TECPR2: variants seen among roughly 807,000 people sequenced by gnomAD.
The protein encoded by TECPR2 is tectonin beta-propeller repeat-containing protein 2.
TECPR2 carries 65 observed loss-of-function variants against 138.1 expected under a neutral mutation model. The ratio of observed to expected loss-of-function variants is 0.47; its 90% confidence interval spans 0.39 to 0.58. The LOEUF (loss-of-function observed/expected upper bound fraction) is 0.58, where lower values mean the gene tolerates loss of function less well. TECPR2 is among the 20% of genes least tolerant of loss of function. TECPR2 has a pLI of 0.00. For missense variants in TECPR2, 1,553 were observed against 1,824.5 expected (o/e 0.85, Z 2.71); for synonymous variants, 746 against 749.8 (o/e 0.99, Z 0.08).
At chr14:102,454,975 C>T (rs1358248894) in intron 16 of TECPR2, among the ~76,000 whole-genome samples, 2 of 152,228 alleles carry the variant, frequency 1.3e-5, no homozygotes, top group African/African-American at 2.4e-5. Context: ...CCTCCTGGCT[C>T]GATCCAGTCC....
chr14:102,489,173 T>C (rs895887661), intron 17 of TECPR2, among the ~76,000 whole-genome samples: 1 of 152,072 alleles, frequency 6.6e-6, no homozygotes, highest in African/African-American at 2.4e-5. Context: ...TGAGCCACTG[T>C]GCCCAACCTA....
chr14:102,429,318 C>T (rs1889407080), intron 7 of TECPR2, among the ~76,000 whole-genome samples: 1 of 152,188 alleles, frequency 6.6e-6, no homozygotes, highest in African/African-American at 2.4e-5. Flanking sequence ...GATCCCTGCT[C>T]TCCGTCTGAG....
At chr14:102,432,488 G>A (rs1040471493) in intron 8 of TECPR2, among the ~76,000 whole-genome samples, 4 of 151,926 alleles carry the variant, frequency 2.6e-5, no homozygotes, top group African/African-American at 7.2e-5. Flanking sequence ...GCACGATCTC[G>A]GCTCACTGCA....
At chr14:102,367,994 CTTTTTTTT>C (rs56325877) in intron 1 of TECPR2, among the ~76,000 whole-genome samples, 12 of 65,836 alleles carry the variant, frequency 1.8e-4, no homozygotes, top group African/African-American at 4.2e-4. Context: ...GCTTATTGGC[CTTTTTTTT>C]TTTTTTTTTT....
chr14:102,438,346 C>T, intron 10 of TECPR2, 141 bp downstream of exon 10: 1 of 1,108,414 alleles, frequency 9.0e-7, no homozygotes, highest in Non-Finnish European at 1.2e-6. Flanking sequence ...CCAGGTTTGC[C>T]TCTTCAGGAA....
intron 6 of TECPR2, among the ~76,000 whole-genome samples, chr14:102,427,346 T>C (rs145383170): frequency 1.3e-5 from 2 of 152,218 alleles, no homozygotes; most frequent in Admixed American, 1.3e-4. Context: ...TTAACTTCAT[T>C]TTATAGGTAG....
intron 5 of TECPR2, among the ~76,000 whole-genome samples, chr14:102,422,264 A>G (rs1889203901): frequency 6.6e-6 from 1 of 152,218 alleles, no homozygotes; most frequent in East Asian, 1.9e-4. Context: ...GAATAAATGA[A>G]TTGTGGAATA....
At chr14:102,482,838 C>CTT (rs758301929) in intron 17 of TECPR2, among the ~76,000 whole-genome samples, 4,044 of 96,492 alleles carry the variant, frequency 0.042, 186 homozygotes, top group Non-Finnish European at 0.055. Context: ...AGAAGCCTTT[C>CTT]TTTTTTTTTT....
chr14:102,372,517 C>T (rs1239686238), intron 1 of TECPR2, among the ~76,000 whole-genome samples: 2 of 152,190 alleles, frequency 1.3e-5, no homozygotes, highest in Non-Finnish European at 1.5e-5. Flanking sequence ...CGCCCTGACT[C>T]AGTCTCCTGA....
At chr14:102,496,772 A>C in intron 17 of TECPR2, 1 of 693,682 alleles carries the variant, frequency 1.4e-6, no homozygotes, top group Non-Finnish European at 2.4e-6. Flanking sequence ...GCTGTCCCTC[A>C]GTCTGGCCCA....
At chr14:102,478,613 C>T (rs1442978349) in intron 17 of TECPR2, among the ~76,000 whole-genome samples, 5 of 151,074 alleles carry the variant, frequency 3.3e-5, no homozygotes, top group South Asian at 2.1e-4. Flanking sequence ...CATGTCAGTG[C>T]GCTCCAGCCT....
At chr14:102,492,378 C>T (rs952968734) in intron 17 of TECPR2, among the ~76,000 whole-genome samples, 2 of 152,208 alleles carry the variant, frequency 1.3e-5, no homozygotes, top group African/African-American at 2.4e-5. Context: ...CAGCCAGGGC[C>T]GGGGCTCTCC....
intron 17 of TECPR2, among the ~76,000 whole-genome samples, chr14:102,482,696 G>A (rs895903278): frequency 1.3e-5 from 2 of 152,148 alleles, no homozygotes; most frequent in Non-Finnish European, 2.9e-5. Flanking sequence ...TTGCATGTCT[G>A]AAAAGTCTTT....
At chr14:102,371,139 A>G (rs1887496223) in intron 1 of TECPR2, among the ~76,000 whole-genome samples, 3 of 152,130 alleles carry the variant, frequency 2.0e-5, no homozygotes, top group African/African-American at 4.8e-5. Flanking sequence ...CTTCAGTATC[A>G]TTAGCCACTC....
In TECPR2 at chr14:102,419,839, G is replaced by A. The variant is rs1595115278; in HGVS notation, c.638+5046G>A. 6.6e-6 allele frequency among the ~76,000 whole-genome samples: 1 copy of A among 152,190 alleles called. No individual in the cohort carries two copies. Among genetic ancestry groups the A allele is most frequent in the South Asian group, 2.1e-4 (1 of 4,828 alleles). On this transcript the variant is annotated intron_variant, in intron 5 of 19. Coordinates refer to ENST00000359520, the MANE Select transcript of TECPR2 (RefSeq NM_014844.5). This position sits in a 1 kb window ranked among gnomAD's most constrained non-coding sequence, Gnocchi z 4.8. ...GTGTCCCCTGTGAGTCTAGTACTCAGGGAAGCCCTCCCTGGCAGTAGCACT... is the reference window on the plus strand; with the variant it reads ...GTGTCCCCTGTGAGTCTAGTACTCAAGGAAGCCCTCCCTGGCAGTAGCACT...
intron 1 of TECPR2, among the ~76,000 whole-genome samples, chr14:102,374,113 G>A (rs1277702283): frequency 1.3e-5 from 2 of 150,620 alleles, no homozygotes; most frequent in Non-Finnish European, 3.0e-5. Context: ...ATCTAAAAAT[G>A]CTTGGAAAAC....
At chr14:102,381,848 G>A (rs1887830609) in intron 2 of TECPR2, among the ~76,000 whole-genome samples, 1 of 152,102 alleles carries the variant, frequency 6.6e-6, no homozygotes. Flanking sequence ...TTTGACAGTT[G>A]AAAACAAAAA....
At chr14:102,389,576 T>TA (rs1299458799) in intron 2 of TECPR2, among the ~76,000 whole-genome samples, 6 of 152,208 alleles carry the variant, frequency 3.9e-5, no homozygotes, top group Admixed American at 3.3e-4. Context: ...GCAAAGGTGA[T>TA]ACGACAAAGT....
rs531959349 is a variant in TECPR2, at chr14:102,455,570, C to G, written c.3640+2943C>G. Reference sequence around the variant, plus strand: ...TTAAGCAATCCTCGCACCTCAGCCTCCCAAGTAGCTGGGACCACAGACATG... The same window carrying G: ...TTAAGCAATCCTCGCACCTCAGCCTGCCAAGTAGCTGGGACCACAGACATG... On this transcript the variant is annotated intron_variant, in intron 16 of 19. Transcript: ENST00000359520. Among the ~76,000 whole-genome samples the G allele has an allele frequency of 7.9e-5, 12 of 152,258 alleles. No individual in the cohort carries two copies. In the South Asian group the frequency reaches 1.5e-3, roughly 18 times the overall value.
Sources: allele counts gnomAD v4.1 joint callset (sites outside exome capture counted in the v4.1 genomes callset), GRCh38; gene constraint gnomAD v4.1.1; non-coding constraint Gnocchi (gnomAD v3.1); transcripts MANE v1.5; gene names NCBI Gene and HGNC (gene_info 2026-07-23, HGNC 2026-07-21).